The following MAGI2 variants were observed in gnomAD, a reference collection of about 807,000 sequenced individuals.
MAGI2 encodes the protein membrane associated guanylate kinase, WW and PDZ domain containing 2, also known as membrane-associated guanylate kinase, WW and PDZ domain-containing protein 2.
MAGI2 carries 35 observed loss-of-function variants against 133.3 expected under a neutral mutation model. That is an observed-to-expected ratio of 0.26 (90% CI 0.20 to 0.35). MAGI2 has a LOEUF of 0.35. MAGI2 is among the 10% of genes least tolerant of loss of function. MAGI2 has a pLI of 1.00. For synonymous variants in MAGI2, 729 were observed against 710.6 expected (o/e 1.03, Z -0.41); for missense variants, 1,636 against 1,863.4 (o/e 0.88, Z 2.25).
At chr7:78,985,605 G>A (rs1324032223) in intron 2 of MAGI2, among the ~76,000 whole-genome samples, 1 of 151,850 alleles carries the variant, frequency 6.6e-6, no homozygotes, top group Non-Finnish European at 1.5e-5. Flanking sequence ...TTTTTCACTT[G>A]GTAAGCATTA....
chr7:78,179,570 CT>C lies in MAGI2; in HGVS notation c.2312-1469del, dbSNP rs3840592. 2.9e-3 allele frequency among the ~76,000 whole-genome samples: 437 copies of C among 152,254 alleles called. 7 individuals carry two copies. In the East Asian group the frequency reaches 0.049, roughly 17 times the overall value. ...CTTTTAAATAAAGATGAATCAGGCG[CT>C]TAAGTACATATGTTTATATGCATTG... On this transcript the variant is annotated intron_variant, in intron 13 of 21. Transcript: ENST00000354212.
intron 2 of MAGI2, among the ~76,000 whole-genome samples, chr7:78,687,512 G>A (rs944916691): frequency 6.6e-6 from 1 of 152,206 alleles, no homozygotes; most frequent in African/African-American, 2.4e-5. Flanking sequence ...CAGCTCAGCA[G>A]AGACAAGACC....
intron 2 of MAGI2, among the ~76,000 whole-genome samples, chr7:78,753,489 G>T (rs980599502): frequency 2.0e-5 from 3 of 152,024 alleles, no homozygotes; most frequent in African/African-American, 7.2e-5. Flanking sequence ...ATGACATATG[G>T]ATCACTGGAT....
At chr7:79,027,225 G>T (rs10226001) in intron 1 of MAGI2, among the ~76,000 whole-genome samples, 89,275 of 151,740 alleles carry the variant, frequency 0.59, 26,573 homozygotes, top group East Asian at 0.63. Context: ...GATTGTCAAA[G>T]AGCCATCTAT....
chr7:78,974,489 T>C (rs1055849786), intron 2 of MAGI2, among the ~76,000 whole-genome samples: 9 of 151,922 alleles, frequency 5.9e-5, no homozygotes, highest in African/African-American at 2.2e-4. Flanking sequence ...TTCATAATTT[T>C]CAGTTCCATT....
intron 2 of MAGI2, among the ~76,000 whole-genome samples, chr7:78,709,717 T>G (rs1207697980): frequency 6.6e-6 from 1 of 152,220 alleles, no homozygotes; most frequent in Non-Finnish European, 1.5e-5. Flanking sequence ...GTTTGTGCCT[T>G]AGCTAATTCC....
At chr7:79,167,659 G>T (rs1825079849) in intron 1 of MAGI2, among the ~76,000 whole-genome samples, 2 of 152,004 alleles carry the variant, frequency 1.3e-5, no homozygotes, top group Admixed American at 6.6e-5. Flanking sequence ...CTATGTTGCT[G>T]AATCTTTCAG....
intron 21 of MAGI2, among the ~76,000 whole-genome samples, chr7:78,036,962 G>A (rs929967506): frequency 6.6e-6 from 1 of 152,164 alleles, no homozygotes; most frequent in African/African-American, 2.4e-5. Context: ...GAAAAGGAGA[G>A]GTGTAGGTGT....
chr7:78,055,292 T>A, intron 21 of MAGI2, among the ~76,000 whole-genome samples: 1 of 152,234 alleles, frequency 6.6e-6, no homozygotes, highest in East Asian at 1.9e-4. Flanking sequence ...TTTGCAATAC[T>A]AAATAACCTT....
intron 15 of MAGI2, among the ~76,000 whole-genome samples, chr7:78,164,407 G>A (rs1218094479): frequency 6.6e-6 from 1 of 152,234 alleles, no homozygotes; most frequent in Non-Finnish European, 1.5e-5. Context: ...GTCCCTCATG[G>A]TCCTTATGGG....
At chr7:78,557,074 G>C (rs1799894711) in intron 3 of MAGI2, among the ~76,000 whole-genome samples, 2 of 58,092 alleles carry the variant, frequency 3.4e-5, no homozygotes, top group Non-Finnish European at 5.8e-5. Flanking sequence ...CTGGGTGGCA[G>C]AGTCTCAAAA....
At chr7:78,661,501 T>G (rs575839956) in intron 2 of MAGI2, among the ~76,000 whole-genome samples, 30 of 152,314 alleles carry the variant, frequency 2.0e-4, no homozygotes, top group South Asian at 8.3e-4. Context: ...CATCCAGATA[T>G]GAAGCTTGAA....
chr7:78,394,658 G>C (rs1796184344), intron 6 of MAGI2, among the ~76,000 whole-genome samples: 1 of 152,080 alleles, frequency 6.6e-6, no homozygotes, highest in Non-Finnish European at 1.5e-5. Flanking sequence ...TATAAGTCTT[G>C]GTTCAAACAT....
At chr7:78,955,056 A>G (rs776759632) in intron 2 of MAGI2, among the ~76,000 whole-genome samples, 7 of 152,110 alleles carry the variant, frequency 4.6e-5, no homozygotes, top group Non-Finnish European at 1.0e-4. Flanking sequence ...CAAATGTACA[A>G]TAGCTTATGT....
chr7:78,777,626 C>T (rs1284973843), intron 2 of MAGI2, among the ~76,000 whole-genome samples: 2 of 152,144 alleles, frequency 1.3e-5, no homozygotes, highest in African/African-American at 4.8e-5. Flanking sequence ...TAAATAAGTA[C>T]AAAGTAAGTG....
At chr7:79,275,702 G>C (rs1382726088) in intron 1 of MAGI2, among the ~76,000 whole-genome samples, 1 of 152,132 alleles carries the variant, frequency 6.6e-6, no homozygotes, top group Non-Finnish European at 1.5e-5. Flanking sequence ...CACAGGACAG[G>C]CTGACTGTCT....
At chr7:78,521,289 C>T (rs1796479747) in intron 4 of MAGI2, 141 bp downstream of exon 4, 1 of 499,720 alleles carries the variant, frequency 2.0e-6, no homozygotes, top group Non-Finnish European at 3.5e-6. Context: ...TACACGTGAA[C>T]ACACAGATGT....
intron 1 of MAGI2, chr7:79,125,002 C>T (rs1355326662): frequency 3.2e-5 from 8 of 247,206 alleles, no homozygotes; most frequent in Non-Finnish European, 5.6e-5. Context: ...AGAGGGCCAA[C>T]TCAAGAGAAG....
intron 2 of MAGI2, among the ~76,000 whole-genome samples, chr7:78,877,888 T>A (rs778907719): frequency 6.6e-6 from 1 of 152,172 alleles, no homozygotes; most frequent in Non-Finnish European, 1.5e-5. Context: ...AAAGTACTTA[T>A]TGATTAAAAC....
Sources: gnomAD v4.1 joint callset for allele counts (sites outside exome capture counted in the v4.1 genomes callset) on GRCh38, gnomAD v4.1.1 for gene constraint, MANE v1.5 for transcripts, NCBI Gene and HGNC (gene_info 2026-07-23, HGNC 2026-07-21) for gene names.